The following BFAR variants were observed in gnomAD, a reference collection of about 807,000 sequenced individuals.
BFAR encodes RING finger protein 47.
Under a neutral mutation model 54.4 loss-of-function variants are expected in BFAR, and 52 were observed. The observed-to-expected ratio is 0.96, with a 90% CI of 0.77 to 1.21. The LOEUF (loss-of-function observed/expected upper bound fraction) is 1.21. BFAR is among the 50% of genes most tolerant of loss of function. The pLI, the probability that BFAR is intolerant of heterozygous loss-of-function variation, is 0.00. For missense variants in BFAR, 571 were observed against 534.0 expected (o/e 1.07, Z -0.68); for synonymous variants, 215 against 204.3 (o/e 1.05, Z -0.45).
chr16:14,662,623 G>A (rs959870247), intron 6 of BFAR, among the ~76,000 whole-genome samples: 1 of 152,028 alleles, frequency 6.6e-6, no homozygotes, highest in Non-Finnish European at 1.5e-5. Flanking sequence ...GGGCTCAAGC[G>A]ATCTTCACAC....
chr16:14,653,323 TTTTAA>T (rs755793534), intron 4 of BFAR, among the ~76,000 whole-genome samples: 130 of 152,224 alleles, frequency 8.5e-4, no homozygotes, highest in Non-Finnish European at 1.5e-3. Flanking sequence ...TGTGTGTTTT[TTTTAA>T]TTTAATTTTT....
chr16:14,658,968 C>T (rs370272510), intron 5 of BFAR, among the ~76,000 whole-genome samples: 6 of 151,284 alleles, frequency 4.0e-5, no homozygotes, highest in South Asian at 2.1e-4. Context: ...AGTGCAATGG[C>T]GCGATCTCAG....
At chr16:14,654,263 G>A (rs112455487) in intron 4 of BFAR, among the ~76,000 whole-genome samples, 86 of 151,454 alleles carry the variant, frequency 5.7e-4, no homozygotes, top group African/African-American at 9.9e-4. Flanking sequence ...TGCCCGCCTC[G>A]GCCTCCCAAA....
chr16:14,642,972 T>C (rs1475928501), intron 1 of BFAR, among the ~76,000 whole-genome samples: 1 of 152,096 alleles, frequency 6.6e-6, no homozygotes, highest in Non-Finnish European at 1.5e-5. Flanking sequence ...GTTCAGGAGT[T>C]CGAGACCAGC....
intron 7 of BFAR, among the ~76,000 whole-genome samples, chr16:14,666,021 G>A (rs1180376895): frequency 6.6e-6 from 1 of 152,166 alleles, no homozygotes; most frequent in African/African-American, 2.4e-5. Context: ...GTTCTTTCTT[G>A]TGTTTTCTGC....
At position 14,634,224 on chromosome 16, in the gene BFAR, C is replaced by G. The variant is rs73525418; in HGVS notation, c.-74+1206C>G. Among the ~76,000 whole-genome samples the G allele has an allele frequency of 7.1e-3, 1,085 of 152,296 alleles. 8 individuals carry two copies. The highest frequency in any genetic ancestry group is 0.024 in the African/African-American group (998 of 41,568). ...GCTTTACTCTCTTCCCAGGACACAC[C>G]CCCGAGCCGGCAGGGACTGCACGTG... On this transcript the variant is annotated intron_variant, in intron 1 of 7. Coordinates refer to ENST00000261658, the MANE Select transcript of BFAR (RefSeq NM_016561.3).
intron 6 of BFAR, among the ~76,000 whole-genome samples, chr16:14,662,927 A>T (rs950119868): frequency 6.6e-6 from 1 of 152,114 alleles, no homozygotes; most frequent in African/African-American, 2.4e-5. Flanking sequence ...GGGAGTCCAC[A>T]TGAGAGGGTC....
intron 7 of BFAR, 143 bp from the exon 8 acceptor site, chr16:14,667,492 C>A (rs1216845780): frequency 2.6e-6 from 2 of 756,314 alleles, no homozygotes; most frequent in East Asian, 5.1e-5. Flanking sequence ...AGGCAGAGGT[C>A]TCAGGCACCG....
At chr16:14,634,547 G>C (rs1291284540) in intron 1 of BFAR, among the ~76,000 whole-genome samples, 1 of 152,192 alleles carries the variant, frequency 6.6e-6, no homozygotes, top group East Asian at 1.9e-4. Context: ...CTCACAGCAG[G>C]GCGGGGCTCC....
chr16:14,637,430 C>T (rs1275619781), intron 1 of BFAR, among the ~76,000 whole-genome samples: 2 of 152,082 alleles, frequency 1.3e-5, no homozygotes, highest in East Asian at 3.9e-4. Flanking sequence ...TAAAACATGG[C>T]TCTGCCCTTT....
At chr16:14,644,672 T>TG in intron 2 of BFAR, 63 bp downstream of exon 2, 2 of 1,437,178 alleles carry the variant, frequency 1.4e-6, no homozygotes, top group East Asian at 4.9e-5. Context: ...CTCTTGCTTT[T>TG]TTTTTTTTTT....
In BFAR at chr16:14,655,382, C is replaced by T. The variant is rs1022814072; in HGVS notation, c.783+172C>T. Among the ~76,000 whole-genome samples the T allele has an allele frequency of 3.4e-4, 51 of 151,314 alleles. 1 individual carries two copies. The highest frequency in any genetic ancestry group is 1.0e-3 in the African/African-American group (42 of 41,244). The stretch of plus-strand genomic sequence containing the variant: ...TGTCGCCCAGGCTGGAGTGCAATGG[C>T]GCAATCTCAGCTCAGTGCAACCTCT... On this transcript the variant is annotated intron_variant, in intron 5 of 7. Coordinates refer to ENST00000261658, the MANE Select transcript of BFAR (RefSeq NM_016561.3).
intron 7 of BFAR, among the ~76,000 whole-genome samples, chr16:14,666,432 G>A (rs1027789106): frequency 2.0e-5 from 3 of 152,128 alleles, no homozygotes; most frequent in Admixed American, 6.6e-5. Flanking sequence ...TTAGCCAGGC[G>A]TGGCGGTGGG....
chr16:14,636,993 C>G (rs1041972857), intron 1 of BFAR, among the ~76,000 whole-genome samples: 1 of 152,186 alleles, frequency 6.6e-6, no homozygotes, highest in African/African-American at 2.4e-5. Flanking sequence ...TATAGATTAA[C>G]AGCATCTCAA....
Position 14,648,554 on chromosome 16 carries a change from TTCTTTTCCGGTGTGCTCA to T in BFAR, c.431_448del (p.Phe144_Thr150delinsSer). On this transcript the variant is annotated inframe_deletion, in exon 3 of 8. Transcript: ENST00000261658. ...AGCGAATCAGCAGATGGGAGGGGGA[TTCTTTTCCGGTGTGCTCA>T]CAGCTTTAACTGGAGTGGCAGTAAG... The T allele has an allele frequency of 6.2e-7, 1 of 1,613,920 alleles. No individual in the cohort carries two copies.
At chr16:14,636,551 A>G (rs895751864) in intron 1 of BFAR, among the ~76,000 whole-genome samples, 3 of 152,228 alleles carry the variant, frequency 2.0e-5, no homozygotes, top group African/African-American at 7.2e-5. Flanking sequence ...ATCTCAGTAG[A>G]TGGAACATAC....
At chr16:14,661,774 A>G (rs1960295045) in intron 5 of BFAR, 118 bp from the exon 6 acceptor site, 2 of 1,074,160 alleles carry the variant, frequency 1.9e-6, no homozygotes, top group Middle Eastern at 2.3e-4. Context: ...TCATTCATTC[A>G]TGCATTGTGT....
intron 1 of BFAR, among the ~76,000 whole-genome samples, chr16:14,643,021 C>A (rs961619544): frequency 8.6e-5 from 13 of 151,996 alleles, no homozygotes; most frequent in Non-Finnish European, 1.9e-4. Flanking sequence ...ACTAAAAATA[C>A]AAAAATTAAA....
chr16:14,657,818 C>T (rs1212973180), intron 5 of BFAR, among the ~76,000 whole-genome samples: 2 of 152,216 alleles, frequency 1.3e-5, no homozygotes, highest in African/African-American at 4.8e-5. Context: ...GCTGGGATTA[C>T]AGGCGTGAGC....
Sources: gnomAD v4.1 joint callset for allele counts (sites outside exome capture counted in the v4.1 genomes callset) on GRCh38, gnomAD v4.1.1 for gene constraint, MANE v1.5 for transcripts, NCBI Gene and HGNC (gene_info 2026-07-23, HGNC 2026-07-21) for gene names.